Variants in SACS observed in about 807,000 individuals in gnomAD.
SACS encodes sacsin molecular chaperone, also known as sacsin.
A neutral mutation model predicts 348.0 loss-of-function variants in SACS; 197 were observed. The observed-to-expected ratio is 0.57, with a 90% confidence interval of 0.50 to 0.64. The LOEUF is 0.64. Among genes scored for constraint, SACS ranks in the 30% least tolerant of loss-of-function variants. The pLI, the probability that SACS is intolerant of heterozygous loss-of-function variation, is 0.00. For synonymous variants in SACS, 1,985 were observed against 1,910.6 expected (o/e 1.04, Z -1.02); for missense variants, 4,999 against 5,360.8 (o/e 0.93, Z 2.11).
Position 23,331,477 on chromosome 13 carries a change from A to G in SACS, c.12399T>C (p.Gly4133=), listed in dbSNP as rs2137558935. Residue 4133 remains glycine (G), a synonymous_variant, in exon 10 of 10, where the codon GGT becomes GGC. Transcript: ENST00000382292. ...MLGCNDIYRI[G]EKLDSLGVKY... ...TCACTCCTAAACTGTCAAGTTTCTC[A>G]CCAATCCTGTAAATATCATTGCATC... 1 of 1,614,056 alleles carries G rather than the reference A, an allele frequency of 6.2e-7. No homozygotes were observed. The highest frequency in any genetic ancestry group is 1.1e-5 in the South Asian group (1 of 91,090).
intron 2 of SACS, among the ~76,000 whole-genome samples, chr13:23,409,982 T>G (rs1021496376): frequency 2.0e-5 from 3 of 152,170 alleles, no homozygotes; most frequent in African/African-American, 7.2e-5. Flanking sequence ...TTAAAATGGA[T>G]GTATAGACGA....
Position 23,355,643 on chromosome 13 carries a change from A to G in SACS, c.969T>C (p.Ala323=). The part of the protein sequence containing the change: ...VQDVSLYVRE[A]DGTEKLVFRV... ...TAAACACCAGTTTCTCTGTTCCGTC[A>G]GCCTCTCGGACATATAAGGAAACAT... Residue 323 remains alanine, a synonymous_variant, in exon 8 of 10, where the codon GCT becomes GCC. Transcript: ENST00000382292. The G allele has an allele frequency of 6.2e-7, 1 of 1,614,172 alleles. No homozygotes were observed. The highest frequency in any genetic ancestry group is 8.5e-7 in the Non-Finnish European group (1 of 1,180,036).
Position 23,380,122 on chromosome 13 carries a change from C to CGTGTGTGTGTGTGTGTGT in SACS, c.21-4871_21-4854dup, listed in dbSNP as rs34243922. 2.2e-3 allele frequency among the ~76,000 whole-genome samples: 261 copies of CGTGTGTGTGTGTGTGTGT among 116,462 alleles called. 1 individual carries two copies. The highest frequency in any genetic ancestry group is 4.0e-3 in the Middle Eastern group (1 of 248). The allele number at this position is 116,462 out of a possible 152,430, so 76.4% of individuals were successfully genotyped here. A position where few individuals can be genotyped will look rare whatever the true frequency, so the allele number is the denominator to read the frequency against. Reference sequence around the variant, plus strand: ...CCCCACAGTGGCCCTGGGATTCCCTCGTGTGTGTGTGTGTGTGTGTGTGTG... The same window carrying CGTGTGTGTGTGTGTGTGT: ...CCCCACAGTGGCCCTGGGATTCCCTCGTGTGTGTGTGTGTGTGTGTGTGTGTGTGTGTGTGTGTGTGTG... On this transcript the variant is annotated intron_variant, in intron 2 of 9. Transcript: ENST00000382292.
At position 23,354,821 on chromosome 13, in the gene SACS, T is replaced by C. The variant is rs371175405; in HGVS notation, c.1791A>G (p.Ser597=). 1 of 1,614,264 alleles carries C rather than the reference T, an allele frequency of 6.2e-7. No homozygotes were observed. Among genetic ancestry groups the C allele is most frequent in the Non-Finnish European group, 8.5e-7 (1 of 1,180,048 alleles). The change falls in exon 8 of 10, where the codon TCA becomes TCG. Residue 597 remains serine, a synonymous_variant. Coordinates refer to ENST00000382292, the MANE Select transcript of SACS (RefSeq NM_014363.6). ...CTGGTACCTTGGCAATCTGCTTCCC[T>C]GAGCTCTGGAGGTAGTTGAGCACAG... ...TKTVLNYLQS[S]GKQIAKVPGN...
chr13:23,429,146 A>G (rs182641861), intron 1 of SACS, among the ~76,000 whole-genome samples: 2 of 152,166 alleles, frequency 1.3e-5, no homozygotes, highest in South Asian at 4.1e-4. Flanking sequence ...AAAATAGATT[A>G]TATGACTAAA....
intron 2 of SACS, among the ~76,000 whole-genome samples, chr13:23,409,238 G>A (rs1873380293): frequency 6.7e-6 from 1 of 149,084 alleles, no homozygotes; most frequent in Non-Finnish European, 1.5e-5. Context: ...TAGTATTTTA[G>A]TAGAGACAAG....
intron 1 of SACS, among the ~76,000 whole-genome samples, chr13:23,416,584 C>G (rs1593181167): frequency 6.6e-6 from 1 of 151,678 alleles, no homozygotes; most frequent in South Asian, 2.1e-4. Flanking sequence ...TTGGTGAAAC[C>G]CCGTCTCTAC....
intron 1 of SACS, among the ~76,000 whole-genome samples, chr13:23,432,798 C>G (rs1874488089): frequency 6.6e-6 from 1 of 152,182 alleles, no homozygotes; most frequent in Non-Finnish European, 1.5e-5. Context: ...GTGGATTCAA[C>G]CTGGCTTCTG....
At chr13:23,385,583 C>A (rs898915078) in intron 2 of SACS, among the ~76,000 whole-genome samples, 7 of 152,102 alleles carry the variant, frequency 4.6e-5, no homozygotes, top group African/African-American at 1.7e-4. Flanking sequence ...GTCTCGAATT[C>A]CTGACTTCAG....
chr13:23,420,169 A>C (rs918670998), intron 1 of SACS, among the ~76,000 whole-genome samples: 8 of 151,898 alleles, frequency 5.3e-5, no homozygotes, highest in African/African-American at 1.9e-4. Context: ...CCCCATGTCC[A>C]CCTATGGATT....
chr13:23,386,337 C>T (rs987879729), intron 2 of SACS, among the ~76,000 whole-genome samples: 1 of 152,236 alleles, frequency 6.6e-6, no homozygotes, highest in Non-Finnish European at 1.5e-5. Flanking sequence ...GAAGTTTCCC[C>T]ATCAGCACAT....
Position 23,337,326 on chromosome 13 carries a change from T to C in SACS, c.6550A>G (p.Arg2184Gly). 1.9e-6 allele frequency: 3 copies of C among 1,613,988 alleles called. No individual in the cohort carries two copies. The highest frequency in any genetic ancestry group is 2.5e-6 in the Non-Finnish European group (3 of 1,179,902). Reference sequence around the variant, plus strand: ...ATAAGACTCAATAAGATACTACTTCTTAGGCATGCAGCAACATGATCACTT... The same window carrying C: ...ATAAGACTCAATAAGATACTACTTCCTAGGCATGCAGCAACATGATCACTT... The part of the protein sequence containing the change: ...NKSDHVAACL[R>G]SSILLSLIDE... Residue 2184 changes from arginine to glycine, a missense_variant, in exon 10 of 10, where the codon AGA becomes GGA. By Grantham distance (125) the Arg-to-Gly change is moderately radical. Around this residue, in one of 6 missense-constraint regions of SACS, gnomAD observed 3,156 missense variants for 3,380.1 expected, o/e 0.93. Transcript: ENST00000382292.
intron 1 of SACS, among the ~76,000 whole-genome samples, chr13:23,414,780 T>TCA (rs1329222729): frequency 6.6e-6 from 1 of 152,234 alleles, no homozygotes; most frequent in Non-Finnish European, 1.5e-5. Flanking sequence ...TTTATTCCTG[T>TCA]CATTTCTAAC....
Position 23,337,935 on chromosome 13 carries a change from C to T in SACS, c.5941G>A (p.Asp1981Asn). The change falls in exon 10 of 10, where the codon GAT (aspartate) becomes AAT (asparagine). Residue 1981 changes from aspartate (D) to asparagine (N), a missense_variant. Transcript: ENST00000382292. The part of the protein sequence containing the change: ...KGKELTKVFS[D>N]GSTWVSMKNV... ...TTCATGGAAACCCAAGTAGATCCAT[C>T]AGAGAAGACTTTGGTCAGTTCTTTC... is the stretch of plus-strand genomic sequence containing the variant. 1 of 1,614,014 alleles carries T rather than the reference C, an allele frequency of 6.2e-7. No homozygotes were observed. Among genetic ancestry groups the T allele is most frequent in the South Asian group, 1.1e-5 (1 of 91,070 alleles).
In SACS at chr13:23,336,609, G is replaced by C; in HGVS notation, c.7267C>G (p.Leu2423Val). Residue 2423 changes from leucine (L) to valine (V), a missense_variant, in exon 10 of 10, where the codon CTT becomes GTT. Coordinates refer to ENST00000382292, the MANE Select transcript of SACS (RefSeq NM_014363.6). ...CCTTCACTGATTATTCGTCGGCAAA[G>C]CTGAAAATTCTCTTCTGTTATTTGC... ...TKQITEENFQ[L>V]CRRIISEGIW... 1 of 1,613,636 alleles carries C rather than the reference G, an allele frequency of 6.2e-7. No homozygotes were observed. Among genetic ancestry groups the C allele is most frequent in the Non-Finnish European group, 8.5e-7 (1 of 1,179,786 alleles).
At chr13:23,343,026 C>G (rs1247020847) in intron 9 of SACS, among the ~76,000 whole-genome samples, 1 of 152,042 alleles carries the variant, frequency 6.6e-6, no homozygotes, top group Admixed American at 6.5e-5. Flanking sequence ...TCTTCAGAGC[C>G]CTGGGATTTT....
At position 23,411,311 on chromosome 13, in the gene SACS, C is replaced by T. The variant is rs1813403210; in HGVS notation, c.-72G>A. 1 of 1,400,964 alleles carries T rather than the reference C, an allele frequency of 7.1e-7. No homozygotes were observed. The highest frequency in any genetic ancestry group is 2.3e-5 in the East Asian group (1 of 43,734). The allele number at this position is 1,400,964 out of a possible 1,614,324, so 86.8% of individuals were successfully genotyped here. On this transcript the variant is annotated 5_prime_UTR_variant, in exon 2 of 10. Coordinates refer to ENST00000382292, the MANE Select transcript of SACS (RefSeq NM_014363.6). ...CTTCTTTCTTCTGTTTAAGTCTTCC[C>T]TCTGTGCTTCCTTTAAATGTGTACT...
At chr13:23,383,713 A>G (rs887142844) in intron 2 of SACS, among the ~76,000 whole-genome samples, 2 of 152,226 alleles carry the variant, frequency 1.3e-5, no homozygotes, top group Admixed American at 1.3e-4. Flanking sequence ...AAAAACGGCA[A>G]TAAGTCCAGG....
chr13:23,375,483 G>T (rs1157958985), intron 2 of SACS: 5 of 1,151,746 alleles, frequency 4.3e-6, no homozygotes, highest in Non-Finnish European at 3.2e-6. Context: ...GCGCAGTCCC[G>T]TACGCAGCAG....
Sources: allele counts gnomAD v4.1 joint callset (sites outside exome capture counted in the v4.1 genomes callset), GRCh38; gene constraint gnomAD v4.1.1; regional missense constraint gnomAD v4.1.1; transcripts MANE v1.5; gene names NCBI Gene and HGNC (gene_info 2026-07-23, HGNC 2026-07-21).